Variants in ABCD2 observed in about 807,000 individuals in gnomAD.
The protein encoded by ABCD2 is ATP binding cassette subfamily D member 2.
ABCD2 carries 36 observed loss-of-function variants against 70.9 expected under a neutral mutation model. The ratio of observed to expected loss-of-function variants is 0.51; its 90% CI spans 0.39 to 0.67. The LOEUF (loss-of-function observed/expected upper bound fraction) is 0.67, where lower values mean the gene tolerates loss of function less well. Ranked by LOEUF, ABCD2 falls within the 30% of genes least tolerant of loss-of-function variation. The pLI, the probability that ABCD2 is intolerant of heterozygous loss-of-function variation, is 0.00. For synonymous variants in ABCD2, 304 were observed against 306.9 expected (o/e 0.99, Z 0.10); for missense variants, 729 against 890.2 (o/e 0.82, Z 2.30).
the ABCD2 span, among the ~76,000 whole-genome samples, chr12:39,533,442 C>A: frequency 2.0e-5 from 3 of 152,032 alleles, no homozygotes; most frequent in Non-Finnish European, 4.4e-5. Context: ...AAAGGCAGAA[C>A]AATTGATGAG....
chr12:39,580,775 A>G (rs1277675592), intron 7 of ABCD2, among the ~76,000 whole-genome samples: 2 of 152,166 alleles, frequency 1.3e-5, no homozygotes, highest in African/African-American at 2.4e-5. Context: ...GAAAAAATCC[A>G]TGTTCTCTGT....
At chr12:39,545,716 T>C (rs118116673), downstream of ABCD2, among the ~76,000 whole-genome samples, 165 of 152,332 alleles carry the variant, frequency 1.1e-3, 2 homozygotes, top group East Asian at 0.029. Flanking sequence ...TCTGTTGGCA[T>C]TGAGTTTTTT....
chr12:39,610,335 TA>T (rs1288912706), intron 2 of ABCD2, among the ~76,000 whole-genome samples: 1 of 152,094 alleles, frequency 6.6e-6, no homozygotes, highest in Non-Finnish European at 1.5e-5. Context: ...CCCTTGAAGT[TA>T]ATTAGTTAGT....
Position 39,560,150 on chromosome 12 carries a change from T to C in ABCD2, c.2004-6019A>G, listed in dbSNP as rs533238399. ...ACATTAGGTATATCTCCTAATGCTA[T>C]CTCTCCCTGCTGCCCCCACCCCACA... On this transcript the variant is annotated intron_variant, in intron 9 of 9. Coordinates refer to ENST00000308666, the MANE Select transcript of ABCD2 (RefSeq NM_005164.4). 1.4e-3 allele frequency among the ~76,000 whole-genome samples: 208 copies of C among 152,314 alleles called. 1 individual carries two copies. The highest frequency in any genetic ancestry group is 4.6e-3 in the African/African-American group (193 of 41,572).
intron 7 of ABCD2, among the ~76,000 whole-genome samples, chr12:39,581,227 T>C (rs1941591514): frequency 6.6e-6 from 1 of 152,146 alleles, no homozygotes; most frequent in Admixed American, 6.5e-5. Context: ...AAAATGCCCT[T>C]TCATTTATGA....
intron 9 of ABCD2, among the ~76,000 whole-genome samples, chr12:39,556,086 T>C (rs559587294): frequency 6.6e-6 from 1 of 152,166 alleles, no homozygotes; most frequent in African/African-American, 2.4e-5. Context: ...AGCTAGACTA[T>C]GCAAACTGGA....
intron 9 of ABCD2, among the ~76,000 whole-genome samples, chr12:39,569,683 T>G (rs1371653057): frequency 6.6e-6 from 1 of 152,090 alleles, no homozygotes; most frequent in Non-Finnish European, 1.5e-5. Context: ...GTACCTCAGT[T>G]GGAAATGCAA....
downstream of ABCD2, among the ~76,000 whole-genome samples, chr12:39,548,848 TA>T (rs1297183222): frequency 2.6e-5 from 4 of 151,972 alleles, no homozygotes; most frequent in African/African-American, 7.2e-5. Flanking sequence ...TTAAATCACA[TA>T]AAAACTCATA....
intron 8 of ABCD2, among the ~76,000 whole-genome samples, chr12:39,578,966 A>G (rs1043583049): frequency 2.0e-5 from 3 of 152,192 alleles, no homozygotes; most frequent in Admixed American, 1.3e-4. Context: ...CAAACTTAGG[A>G]TACATAAAAA....
At chr12:39,606,281 A>G (rs1941968061) in intron 3 of ABCD2, among the ~76,000 whole-genome samples, 1 of 152,114 alleles carries the variant, frequency 6.6e-6, no homozygotes, top group Non-Finnish European at 1.5e-5. Context: ...TTGTCTTAGA[A>G]CCCTAACTCT....
chr12:39,575,567 T>C (rs77351554), intron 8 of ABCD2, among the ~76,000 whole-genome samples: 2,380 of 152,296 alleles, frequency 0.016, 77 homozygotes, highest in African/African-American at 0.053. Flanking sequence ...TTAAAACATT[T>C]AAAATCCTCT....
the ABCD2 span, among the ~76,000 whole-genome samples, chr12:39,540,567 A>G: frequency 6.6e-6 from 1 of 152,230 alleles, no homozygotes; most frequent in African/African-American, 2.4e-5. Context: ...GGCCCTCCCA[A>G]TTCTGAAGAG....
intron 6 of ABCD2, among the ~76,000 whole-genome samples, chr12:39,586,755 A>C (rs535790876): frequency 6.6e-6 from 1 of 152,352 alleles, no homozygotes; most frequent in South Asian, 2.1e-4. Context: ...TATTTGATAA[A>C]GATTGCTTCT....
chr12:39,615,293 A>G (rs540712409), intron 2 of ABCD2, among the ~76,000 whole-genome samples: 123 of 152,148 alleles, frequency 8.1e-4, no homozygotes, highest in African/African-American at 2.8e-3. Context: ...TACATTATAT[A>G]TTAAACTTTT....
intron 6 of ABCD2, among the ~76,000 whole-genome samples, chr12:39,596,578 G>T (rs1333810189): frequency 6.6e-6 from 1 of 151,636 alleles, no homozygotes; most frequent in African/African-American, 2.4e-5. Context: ...TTGTTTCTCA[G>T]ACTCCAAAGT....
chr12:39,590,076 C>T lies in ABCD2; in HGVS notation c.1647-3779G>A, dbSNP rs1941724936. Among the ~76,000 whole-genome samples the T allele has an allele frequency of 3.9e-5, 6 of 152,200 alleles. No individual in the cohort carries two copies. The South Asian group carries it at 1.0e-3, about 26-fold the overall frequency. ...CACAAGGAAACGGAGGACCCTATAG[C>T]CAATGTTTATATAATTAGTTTGCAT... is the stretch of plus-strand genomic sequence containing the variant. On this transcript the variant is annotated intron_variant, in intron 6 of 9. Coordinates refer to ENST00000308666, the MANE Select transcript of ABCD2 (RefSeq NM_005164.4).
chr12:39,540,888 A>T, the ABCD2 span, among the ~76,000 whole-genome samples: 1 of 152,248 alleles, frequency 6.6e-6, no homozygotes, highest in Non-Finnish European at 1.5e-5. Context: ...AAAATGTATA[A>T]AACCAAGCTG....
rs886410094 is a variant in ABCD2 at position 39,576,239 on chromosome 12, A to G, written c.1878-2398T>C. On this transcript the variant is annotated intron_variant, in intron 8 of 9. Coordinates refer to ENST00000308666, the MANE Select transcript of ABCD2 (RefSeq NM_005164.4). ...CAGTGGCACCATCTCGGCTCACTGC[A>G]ATCTCCGCCTCCTGGGTTCAAGTGA... Among the ~76,000 whole-genome samples, 12 of 152,276 alleles carry G rather than the reference A, an allele frequency of 7.9e-5. No individual in the cohort carries two copies. The South Asian group carries it at 2.1e-3, about 26-fold the overall frequency.
chr12:39,568,880 G>A (rs951715263), intron 9 of ABCD2, among the ~76,000 whole-genome samples: 3 of 152,316 alleles, frequency 2.0e-5, no homozygotes, highest in Admixed American at 6.5e-5. Context: ...GTTGGAGTTT[G>A]CTAGAGGTCC....
Sources: allele counts gnomAD v4.1 joint callset (sites outside exome capture counted in the v4.1 genomes callset), GRCh38; gene constraint gnomAD v4.1.1; transcripts MANE v1.5; gene names NCBI Gene and HGNC (gene_info 2026-07-23, HGNC 2026-07-21).